Variants in SLC15A2 observed in about 807,000 individuals in gnomAD.
The protein encoded by SLC15A2 is solute carrier family 15 member 2.
SLC15A2 carries 77 observed loss-of-function variants against 95.5 expected under a neutral mutation model. The observed-to-expected ratio is 0.81, with a 90% CI of 0.67 to 0.97. The LOEUF (loss-of-function observed/expected upper bound fraction) is 0.97. SLC15A2 is among the 50% of genes least tolerant of loss of function. SLC15A2 has a pLI of 0.00. For synonymous variants in SLC15A2, 306 were observed against 306.9 expected, an observed-to-expected ratio of 1.00 and a Z score of 0.03; for missense variants, 893 against 874.4, an observed-to-expected ratio of 1.02 and a Z score of -0.27.
chr3:121,899,639 T>C (rs1709487042), intron 3 of SLC15A2, among the ~76,000 whole-genome samples: 1 of 152,184 alleles, frequency 6.6e-6, no homozygotes, highest in African/African-American at 2.4e-5. Flanking sequence ...TCCAATTCAA[T>C]TTAATTTGAT....
In SLC15A2 at chr3:121,895,305, G is replaced by C. The variant is rs909108414; in HGVS notation, c.105+724G>C. 3 of 152,130 alleles carry C rather than the reference G, an allele frequency of 2.0e-5. No individual in the cohort carries two copies. In the South Asian group the frequency reaches 6.2e-4, roughly 32 times the overall value. 9.4% of individuals were successfully genotyped at this position (152,130 alleles called of 1,614,324 possible). A position where few individuals can be genotyped will look rare whatever the true frequency, so the allele number is the denominator to read the frequency against. On this transcript the variant is annotated intron_variant, in intron 1 of 21. Coordinates refer to ENST00000489711, the MANE Select transcript of SLC15A2 (RefSeq NM_021082.4). ...TGTTAACACAGCCAGTGGCAGTGTTGCCTAACTAGCTAACAGTGTGTCGGC... is the reference window on the plus strand; with the variant it reads ...TGTTAACACAGCCAGTGGCAGTGTTCCCTAACTAGCTAACAGTGTGTCGGC...
intron 19 of SLC15A2, chr3:121,939,145 T>C (rs1021035401): frequency 2.8e-5 from 11 of 390,272 alleles, no homozygotes; most frequent in Non-Finnish European, 3.6e-5. Context: ...TCAATAATGA[T>C]ATCTGATTGA....
intron 8 of SLC15A2, 105 bp from the exon 9 acceptor site, chr3:121,922,670 A>G: frequency 1.4e-6 from 1 of 691,628 alleles, no homozygotes; most frequent in Non-Finnish European, 2.4e-6. Context: ...AAGAGTTGGA[A>G]TAAGTCACTA....
At chr3:121,934,237 G>C (rs1210087694) in intron 19 of SLC15A2, among the ~76,000 whole-genome samples, 1 of 152,180 alleles carries the variant, frequency 6.6e-6, no homozygotes, top group Admixed American at 6.6e-5. Context: ...GATTGACTTG[G>C]CAATGCGGGC....
intron 3 of SLC15A2, among the ~76,000 whole-genome samples, chr3:121,905,263 G>A (rs1213982844): frequency 1.3e-5 from 2 of 152,070 alleles, no homozygotes; most frequent in Non-Finnish European, 2.9e-5. Context: ...AGTCTTGCTA[G>A]TGGTCTACCA....
At chr3:121,915,068 A>G (rs1709858733) in intron 5 of SLC15A2, 159 bp from the exon 6 acceptor site, 3 of 1,171,600 alleles carry the variant, frequency 2.6e-6, no homozygotes, top group Non-Finnish European at 3.5e-6. Flanking sequence ...GTCAGCCAGC[A>G]ATGTTTTTAA....
At chr3:121,929,452 T>C in intron 17 of SLC15A2, 104 bp downstream of exon 17, 2 of 1,240,626 alleles carry the variant, frequency 1.6e-6, no homozygotes, top group South Asian at 2.6e-5. Flanking sequence ...GAATTCCCTC[T>C]CGTAGAATGC....
intron 10 of SLC15A2, 35 bp from the exon 11 acceptor site, chr3:121,923,187 A>G: frequency 6.2e-7 from 1 of 1,612,892 alleles, no homozygotes; most frequent in South Asian, 1.1e-5. Context: ...TCTCACAGGA[A>G]AGGGATTTCT....
intron 19 of SLC15A2, among the ~76,000 whole-genome samples, chr3:121,937,494 T>G (rs9844954): frequency 0.41 from 58,335 of 142,712 alleles, 12,448 homozygotes; most frequent in East Asian, 0.69. Flanking sequence ...AAACTTCCCT[T>G]CTCGCTTCAT....
chr3:121,924,195 A>G (rs755677140), intron 11 of SLC15A2, among the ~76,000 whole-genome samples, 156 bp from the exon 12 acceptor site: 11 of 152,152 alleles, frequency 7.2e-5, no homozygotes, highest in South Asian at 2.1e-4. Context: ...TCCCCCAAAT[A>G]ATCTTAACAG....
intron 21 of SLC15A2, 24 bp downstream of exon 21, chr3:121,940,512 T>C: frequency 6.3e-7 from 1 of 1,575,740 alleles, no homozygotes; most frequent in Non-Finnish European, 8.7e-7. Context: ...GGAAGCAGGA[T>C]TCATTTCTAC....
intron 19 of SLC15A2, among the ~76,000 whole-genome samples, chr3:121,938,707 C>T (rs529267524): frequency 6.2e-4 from 94 of 151,990 alleles, no homozygotes; most frequent in Non-Finnish European, 9.3e-4. Flanking sequence ...CAGATGGAAA[C>T]GCAGAAATCA....
intron 3 of SLC15A2, among the ~76,000 whole-genome samples, chr3:121,908,852 C>A (rs1709706721): frequency 6.6e-6 from 1 of 152,090 alleles, no homozygotes; most frequent in African/African-American, 2.4e-5. Context: ...TATAGAAGCT[C>A]TACACCTAAC....
At chr3:121,928,588 T>G in intron 15 of SLC15A2, 33 bp downstream of exon 15, 1 of 1,605,342 alleles carries the variant, frequency 6.2e-7, no homozygotes. Context: ...TTAGAAACTC[T>G]GTATGCTATA....
At chr3:121,940,033 T>C (rs571303966) in intron 20 of SLC15A2, among the ~76,000 whole-genome samples, 1 of 152,228 alleles carries the variant, frequency 6.6e-6, no homozygotes, top group South Asian at 2.1e-4. Flanking sequence ...CTCTAACTCC[T>C]GACCTTGGAT....
At chr3:121,901,207 T>A (rs935714691) in intron 3 of SLC15A2, among the ~76,000 whole-genome samples, 2 of 151,966 alleles carry the variant, frequency 1.3e-5, no homozygotes, top group African/African-American at 4.8e-5. Flanking sequence ...TTAGTAGAGA[T>A]GAGATTTCAC....
chr3:121,936,486 T>C (rs1465200455), intron 19 of SLC15A2, among the ~76,000 whole-genome samples: 6 of 152,088 alleles, frequency 3.9e-5, no homozygotes, highest in Non-Finnish European at 5.9e-5. Context: ...TAGTTAGCTC[T>C]TCTTGTTGAA....
At position 121,940,968 on chromosome 3, in the gene SLC15A2, G is replaced by C; in HGVS notation, c.2151G>C (p.Gly717=). Residue 717 remains glycine, a synonymous_variant, in exon 22 of 22, where the codon GGG becomes GGC. Coordinates refer to ENST00000489711, the MANE Select transcript of SLC15A2 (RefSeq NM_021082.4). ...PADKHIPHIQ[G]NMIKLETKKT... is the part of the protein sequence containing the mutation. ...ATAAGCACATTCCTCACATCCAGGG[G>C]AACATGATCAAACTAGAGACCAAGA... 1 of 1,614,040 alleles carries C rather than the reference G, an allele frequency of 6.2e-7. No individual in the cohort carries two copies. The highest frequency in any genetic ancestry group is 8.5e-7 in the Non-Finnish European group (1 of 1,179,988).
intron 19 of SLC15A2, among the ~76,000 whole-genome samples, chr3:121,936,345 G>C (rs1710346075): frequency 6.6e-6 from 1 of 152,124 alleles, no homozygotes; most frequent in Non-Finnish European, 1.5e-5. Flanking sequence ...TCTTTGATCT[G>C]TCTAATGTTG....
Sources: allele counts gnomAD v4.1 joint callset (sites outside exome capture counted in the v4.1 genomes callset), GRCh38; gene constraint gnomAD v4.1.1; transcripts MANE v1.5; gene names NCBI Gene and HGNC (gene_info 2026-07-23, HGNC 2026-07-21).